CABP1: variants seen among roughly 807,000 people sequenced by gnomAD.
CABP1 encodes calcium-binding protein 1.
A neutral mutation model predicts 34.3 loss-of-function variants in CABP1; 17 were observed. The ratio of observed to expected loss-of-function variants is 0.50; its 90% confidence interval spans 0.34 to 0.74. CABP1 has a LOEUF of 0.74. CABP1 is among the 30% of genes least tolerant of loss of function. The pLI is 0.01. For synonymous variants in CABP1, 198 were observed against 229.2 expected, an observed-to-expected ratio of 0.86 and a Z score of 1.23; for missense variants, 373 against 511.1, an observed-to-expected ratio of 0.73 and a Z score of 2.61.
In CABP1 at chr12:120,641,365, C is replaced by T. The variant is rs1187402386; in HGVS notation, c.654+26C>T. On this transcript the variant is annotated intron_variant, in intron 1 of 5. Transcript: ENST00000316803. This position sits in a 1 kb window ranked among gnomAD's most constrained non-coding sequence, Gnocchi z 6.7. ...GTAAGGGCCGCGCCTCCCGTCAGCGCTCCCGGGAAAGGCGCTCGGGACCCT... is the reference window on the plus strand; with the variant it reads ...GTAAGGGCCGCGCCTCCCGTCAGCGTTCCCGGGAAAGGCGCTCGGGACCCT... 7.9e-7 allele frequency: 1 copy of T among 1,260,122 alleles called. No homozygotes were observed. Among genetic ancestry groups the T allele is most frequent in the Non-Finnish European group, 1.0e-6 (1 of 1,002,120 alleles). 78.1% of individuals were successfully genotyped at this position (1,260,122 alleles called of 1,614,324 possible). A position where few individuals can be genotyped will look rare whatever the true frequency, so the allele number is the denominator to read the frequency against.
Position 120,658,062 on chromosome 12 carries a change from A to G in CABP1, c.655-1816A>G, listed in dbSNP as rs557688888. Among the ~76,000 whole-genome samples the G allele has an allele frequency of 2.1e-5, 3 of 142,632 alleles. No homozygotes were observed. The South Asian group carries it at 6.7e-4, about 32-fold the overall frequency. 93.6% of individuals were successfully genotyped at this position (142,632 alleles called of 152,430 possible). A position where few individuals can be genotyped will look rare whatever the true frequency, so the allele number is the denominator to read the frequency against. On this transcript the variant is annotated intron_variant, in intron 1 of 5. Coordinates refer to ENST00000316803, the MANE Select transcript of CABP1 (RefSeq NM_001033677.2). Reference sequence around the variant, plus strand: ...GTTTGTGTTGGAATGGCTGTGACCTACCCTTAAGCCAGGCACCATCACCAG... The same window carrying G: ...GTTTGTGTTGGAATGGCTGTGACCTGCCCTTAAGCCAGGCACCATCACCAG...
downstream of CABP1, among the ~76,000 whole-genome samples, chr12:120,669,739 G>A (rs1211111843): frequency 2.0e-5 from 3 of 148,816 alleles, no homozygotes; most frequent in Non-Finnish European, 4.4e-5. Context: ...GGGTGACACA[G>A]TGAGACTCTG....
At position 120,667,035 on chromosome 12, in the gene CABP1, GC is replaced by G; in HGVS notation, c.*136del. 1.8e-6 allele frequency: 2 copies of G among 1,097,878 alleles called. No individual in the cohort carries two copies. The highest frequency in any genetic ancestry group is 2.7e-6 in the Non-Finnish European group (2 of 754,532). The allele number at this position is 1,097,878 out of a possible 1,614,324, so 68.0% of individuals were successfully genotyped here. ...TGGGGCCTGCCTGCACCCCGGGGAG[GC>G]GCCCACCCCGGACCCCCACCCCTCC... is the stretch of plus-strand genomic sequence containing the variant. On this transcript the variant is annotated 3_prime_UTR_variant, in exon 6 of 6. Coordinates refer to ENST00000316803, the MANE Select transcript of CABP1 (RefSeq NM_001033677.2).
chr12:120,677,502 TCCTCCCACCTCAG>T, the CABP1 span, among the ~76,000 whole-genome samples: 1 of 148,440 alleles, frequency 6.7e-6, no homozygotes, highest in South Asian at 2.2e-4. Context: ...GCTCAAGTGA[TCCTCCCACCTCAG>T]CCTCCCAAGT....
At chr12:120,646,851 C>A (rs1168070) in intron 1 of CABP1, among the ~76,000 whole-genome samples, 59,743 of 152,048 alleles carry the variant, frequency 0.39, 11,969 homozygotes, top group Non-Finnish European at 0.44. Flanking sequence ...AGGCTGAGCC[C>A]TCTGTCCCTC....
chr12:120,669,218 C>A (rs1339271743), downstream of CABP1, among the ~76,000 whole-genome samples: 2 of 152,214 alleles, frequency 1.3e-5, no homozygotes, highest in Non-Finnish European at 1.5e-5. Context: ...CAGCCAGAGG[C>A]CCGGGTAATC....
chr12:120,676,951 TA>T, the CABP1 span, among the ~76,000 whole-genome samples: 10 of 152,210 alleles, frequency 6.6e-5, no homozygotes, highest in Non-Finnish European at 1.5e-4. Context: ...TATAGGCAGC[TA>T]ACAAGCCGAG....
intron 1 of CABP1, among the ~76,000 whole-genome samples, chr12:120,652,239 C>T (rs1879891411): frequency 6.6e-6 from 1 of 152,104 alleles, no homozygotes; most frequent in Non-Finnish European, 1.5e-5. Flanking sequence ...TTGTTCCACT[C>T]TGGGTTTTAG....
At chr12:120,671,478 A>G (rs763053608), downstream of CABP1, among the ~76,000 whole-genome samples, 13 of 152,174 alleles carry the variant, frequency 8.5e-5, no homozygotes, top group East Asian at 1.9e-4. Flanking sequence ...ACTAAGTGGA[A>G]TTTTGTCTAA....
Position 120,661,228 on chromosome 12 carries a change from G to C in CABP1, c.1087+10G>C. Reference sequence around the variant, plus strand: ...CGAGTGGACTTTGAAGGTAGGTGGGGCTTGAAAGTGGGAGAGAAGCAAGCC... The same window carrying C: ...CGAGTGGACTTTGAAGGTAGGTGGGCCTTGAAAGTGGGAGAGAAGCAAGCC... On this transcript the variant is annotated intron_variant, in intron 5 of 5. Coordinates refer to ENST00000316803, the MANE Select transcript of CABP1 (RefSeq NM_001033677.2). The surrounding 1 kb of genome is among the most constrained non-coding windows in gnomAD (Gnocchi z 5.1). The C allele has an allele frequency of 1.2e-6, 2 of 1,602,162 alleles. No homozygotes were observed. Among genetic ancestry groups the C allele is most frequent in the Non-Finnish European group, 1.7e-6 (2 of 1,178,576 alleles).
At chr12:120,644,772 C>G (rs1879473411) in intron 1 of CABP1, among the ~76,000 whole-genome samples, 1 of 152,158 alleles carries the variant, frequency 6.6e-6, no homozygotes. Context: ...GTATCACCAG[C>G]CTCCGGACTT....
chr12:120,643,648 C>G (rs1185102268), intron 1 of CABP1, among the ~76,000 whole-genome samples: 1 of 152,178 alleles, frequency 6.6e-6, no homozygotes, highest in African/African-American at 2.4e-5. Flanking sequence ...CCCGGGCAGT[C>G]TGGAAATCCT....
In CABP1 at chr12:120,659,895, A is replaced by G; in HGVS notation, c.672A>G (p.Pro224=). ...SAFGQDRSLR[P]EEIEELREAF... is the part of the protein sequence containing the mutation. ...TGTTTCAGGATAGATCACTGCGACC[A>G]GAGGAAATTGAAGGTAAAACTTGGC... The change falls in exon 2 of 6, where the codon CCA becomes CCG. Residue 224 remains proline (P), a synonymous_variant. Transcript: ENST00000316803. 6.2e-7 allele frequency: 1 copy of G among 1,614,024 alleles called. No homozygotes were observed. Among genetic ancestry groups the G allele is most frequent in the Non-Finnish European group, 8.5e-7 (1 of 1,179,996 alleles).
At chr12:120,666,017 C>CA (rs576836817) in intron 5 of CABP1, among the ~76,000 whole-genome samples, 8,667 of 91,856 alleles carry the variant, frequency 0.094, 358 homozygotes, top group Admixed American at 0.17. Flanking sequence ...GACTCTGTCT[C>CA]AAAAAAAAAA....
At chr12:120,677,181 G>C in the CABP1 span, among the ~76,000 whole-genome samples, 2 of 147,378 alleles carry the variant, frequency 1.4e-5, no homozygotes, top group African/African-American at 2.5e-5. Context: ...TCCGCCTCCC[G>C]GGCTCAAGCG....
chr12:120,670,327 CTGTT>C (rs1881210099), downstream of CABP1, among the ~76,000 whole-genome samples: 1 of 152,152 alleles, frequency 6.6e-6, no homozygotes, highest in South Asian at 2.1e-4. Flanking sequence ...CCTAGTATGA[CTGTT>C]TGAAGAAAGG....
Position 120,661,517 on chromosome 12 carries a change from ATTT to A in CABP1, c.1087+300_1087+302del, listed in dbSNP as rs1427425043. On this transcript the variant is annotated intron_variant, in intron 5 of 5. Transcript: ENST00000316803. The surrounding 1 kb of genome is among the most constrained non-coding windows in gnomAD (Gnocchi z 5.1). ...CTGTCCACCATCCATCCATCCATCC[ATTT>A]ATCTACCCATCTATCCATCCATCCA... The A allele has an allele frequency of 1.6e-5, 5 of 321,078 alleles. No homozygotes were observed. Among genetic ancestry groups the A allele is most frequent in the Non-Finnish European group, 2.9e-5 (5 of 172,684 alleles). The allele number at this position is 321,078 out of a possible 1,614,324, so 19.9% of individuals were successfully genotyped here. A position where few individuals can be genotyped will look rare whatever the true frequency, so the allele number is the denominator to read the frequency against.
At chr12:120,652,433 A>G (rs1879906592) in intron 1 of CABP1, among the ~76,000 whole-genome samples, 3 of 151,444 alleles carry the variant, frequency 2.0e-5, no homozygotes. Flanking sequence ...TCCGCTACAT[A>G]GTTCTTTTGG....
At chr12:120,648,477 T>C (rs190939079) in intron 1 of CABP1, among the ~76,000 whole-genome samples, 38 of 152,318 alleles carry the variant, frequency 2.5e-4, no homozygotes, top group Non-Finnish European at 4.4e-4. Context: ...ATCCAGTAGC[T>C]ATTCGGTGTC....
Sources: gnomAD v4.1 joint callset for allele counts (sites outside exome capture counted in the v4.1 genomes callset) on GRCh38, gnomAD v4.1.1 for gene constraint, Gnocchi (gnomAD v3.1) non-coding constraint, MANE v1.5 for transcripts, NCBI Gene and HGNC (gene_info 2026-07-23, HGNC 2026-07-21) for gene names.